LRRC56: variants seen among roughly 807,000 people sequenced by gnomAD.
LRRC56 encodes leucine rich repeat containing 56, also known as leucine-rich repeat-containing protein 56.
Under a neutral mutation model 47.8 loss-of-function variants are expected in LRRC56, and 41 were observed. The ratio of observed to expected loss-of-function variants is 0.86; its 90% confidence interval spans 0.67 to 1.11. The LOEUF is 1.11. Among genes scored for constraint, LRRC56 ranks in the 50% most tolerant of loss-of-function variants. LRRC56 has a pLI of 0.00. For synonymous variants in LRRC56, 387 were observed against 311.2 expected, an observed-to-expected ratio of 1.24 and a Z score of -2.56; for missense variants, 759 against 704.2, an observed-to-expected ratio of 1.08 and a Z score of -0.88.
chr11:552,843 G>GGC (rs1852486428), intron 13 of LRRC56, 141 bp downstream of exon 13: 2 of 760,444 alleles, frequency 2.6e-6, no homozygotes, highest in Non-Finnish European at 4.1e-6. Context: ...GTAACAGGGA[G>GGC]GCCCCCTTCT....
chr11:538,709 C>A lies in LRRC56; in HGVS notation c.-310C>A, dbSNP rs1670033501. ...GCCATGGCCAGAACGTTCTAAGTGG[C>A]TACATGTGCATCTGCCTGTTCACGG... On this transcript the variant is annotated 5_prime_UTR_variant, in exon 2 of 14. Coordinates refer to ENST00000270115, the MANE Select transcript of LRRC56 (RefSeq NM_198075.4). 1 of 152,290 alleles carries A rather than the reference C, an allele frequency of 6.6e-6. No homozygotes were observed. The highest frequency in any genetic ancestry group is 6.5e-5 in the Admixed American group (1 of 15,286). The allele number at this position is 152,290 out of a possible 1,614,324, so 9.4% of individuals were successfully genotyped here. A position where few individuals can be genotyped will look rare whatever the true frequency, so the allele number is the denominator to read the frequency against.
At chr11:550,822 C>T (rs1482717891) in intron 8 of LRRC56, among the ~76,000 whole-genome samples, 1 of 152,156 alleles carries the variant, frequency 6.6e-6, no homozygotes, top group Non-Finnish European at 1.5e-5. Flanking sequence ...TACCAGTGCC[C>T]AGTAGCTACT....
upstream of LRRC56, chr11:535,467 C>CG (rs1564791871): frequency 2.7e-4 from 40 of 147,078 alleles, no homozygotes; most frequent in Middle Eastern, 3.2e-3. Context: ...GAGGCCGGGG[C>CG]GGGGCGGGGG....
intron 3 of LRRC56, among the ~76,000 whole-genome samples, chr11:539,995 G>A (rs966944836): frequency 2.0e-5 from 3 of 152,182 alleles, no homozygotes; most frequent in Admixed American, 1.3e-4. Flanking sequence ...TCAGGTCCTG[G>A]GCTGATCTGC....
Position 552,250 on chromosome 11 carries a change from T to C in LRRC56, c.1181+18T>C, listed in dbSNP as rs988674839. 1.9e-6 allele frequency: 3 copies of C among 1,602,214 alleles called. No homozygotes were observed. The Admixed American group carries it at 5.0e-5, about 27-fold the overall frequency. On this transcript the variant is annotated intron_variant, in intron 12 of 13. Transcript: ENST00000270115. ...GGCGTGCGGTGGGTGTCCCTCCAGC[T>C]CTTCCACTGGGTGTGTCCTGTCCCG...
At chr11:537,521 C>T (rs1036950183), upstream of LRRC56, 7 of 152,280 alleles carry the variant, frequency 4.6e-5, no homozygotes, top group East Asian at 1.3e-3. Context: ...GCCGGAAGAA[C>T]AGCCTGGAGT....
chr11:553,869 G>A, intron 13 of LRRC56, 94 bp from the exon 14 acceptor site: 2 of 1,141,014 alleles, frequency 1.8e-6, no homozygotes, highest in Non-Finnish European at 2.5e-6. Context: ...CTGCCTCGGG[G>A]CTGCAGGGCC....
the LRRC56 span, among the ~76,000 whole-genome samples, chr11:521,197 G>A: frequency 2.6e-5 from 4 of 152,122 alleles, no homozygotes; most frequent in African/African-American, 7.2e-5. Flanking sequence ...CCACTGGTTC[G>A]ACTGCCTCAG....
At position 543,236 on chromosome 11, in the gene LRRC56, CAG is replaced by C. The variant is rs1179281914; in HGVS notation, c.266-1481_266-1480del. Among the ~76,000 whole-genome samples the C allele has an allele frequency of 4.1e-5, 6 of 147,378 alleles. No individual in the cohort carries two copies. The East Asian group carries it at 1.2e-3, about 30-fold the overall frequency. On this transcript the variant is annotated intron_variant, in intron 5 of 13. Transcript: ENST00000270115. ...TTTTTCATTGTTGTTTTTTTTAAGA[CAG>C]AGTCTCTCTCTTGTTGCCCAGGCTG...
chr11:533,679 G>T (rs1851262940), upstream of LRRC56: 3 of 1,611,588 alleles, frequency 1.9e-6, no homozygotes, highest in Admixed American at 1.7e-5. Flanking sequence ...GACATGCGCA[G>T]AGAGGACAGG....
chr11:530,442 A>C, the LRRC56 span, among the ~76,000 whole-genome samples: 1 of 149,986 alleles, frequency 6.7e-6, no homozygotes, highest in African/African-American at 2.4e-5. Context: ...CCTGGACAGA[A>C]GGGCAAGTGT....
At chr11:509,714 A>ATTTTTTTTT in the LRRC56 span, among the ~76,000 whole-genome samples, 1 of 125,208 alleles carries the variant, frequency 8.0e-6, no homozygotes, top group Admixed American at 8.6e-5. Flanking sequence ...CGCCCGGCTA[A>ATTTTTTTTT]TTTTTTTTTT....
At chr11:527,103 C>T in the LRRC56 span, among the ~76,000 whole-genome samples, 2 of 152,028 alleles carry the variant, frequency 1.3e-5, no homozygotes, top group Non-Finnish European at 2.9e-5. Context: ...AGCTCCAGAC[C>T]ATCCTGGCTA....
intron 6 of LRRC56, among the ~76,000 whole-genome samples, chr11:549,341 G>A (rs1054783927): frequency 1.3e-5 from 2 of 152,116 alleles, no homozygotes; most frequent in African/African-American, 4.8e-5. Context: ...ACAGCGCATG[G>A]TGAAGTCACT....
Position 550,006 on chromosome 11 carries a change from TG to T in LRRC56, c.423+11del, listed in dbSNP as rs779257811. 1 of 1,610,166 alleles carries T rather than the reference TG, an allele frequency of 6.2e-7. No homozygotes were observed. Among genetic ancestry groups the T allele is most frequent in the Non-Finnish European group, 8.5e-7 (1 of 1,178,806 alleles). ...TCTTTGCCAGCACTTAAGGTGAGTC[TG>T]GGCACCCTGGGCTGGGGAGGCCTGG... is the stretch of plus-strand genomic sequence containing the variant. On this transcript the variant is annotated intron_variant, in intron 7 of 13. Transcript: ENST00000270115.
chr11:551,641 C>T lies in LRRC56; in HGVS notation c.797-10C>T, dbSNP rs925935510. The T allele has an allele frequency of 1.3e-6, 2 of 1,546,736 alleles. No individual in the cohort carries two copies. The highest frequency in any genetic ancestry group is 1.7e-6 in the Non-Finnish European group (2 of 1,147,216). ...GGCCTTGGTGACCTCTGCTTCTGAA[C>T]CTCGGGCAGACTGTCCCCGTGGAGC... On this transcript the variant is annotated splice_polypyrimidine_tract_variant and intron_variant, in intron 9 of 13. Transcript: ENST00000270115.
rs760499814 is a variant in LRRC56 at position 554,355 on chromosome 11, G to A, written c.*79G>A. On this transcript the variant is annotated 3_prime_UTR_variant, in exon 14 of 14. Coordinates refer to ENST00000270115, the MANE Select transcript of LRRC56 (RefSeq NM_198075.4). ...TGTGGTCACAGAGCACAGAATACCT[G>A]GGCGGGTGTGTTGGGGGGTGGAAGG... 2.4e-5 allele frequency: 31 copies of A among 1,286,076 alleles called. No homozygotes were observed. Among genetic ancestry groups the A allele is most frequent in the Non-Finnish European group, 3.2e-5 (31 of 982,752 alleles). The allele number at this position is 1,286,076 out of a possible 1,614,324, so 79.7% of individuals were successfully genotyped here.
rs1328717480 is a variant in LRRC56, at chr11:554,522, T to C, written c.*246T>C. 2.6e-5 allele frequency: 10 copies of C among 384,340 alleles called. No individual in the cohort carries two copies. Among genetic ancestry groups the C allele is most frequent in the Admixed American group, 4.3e-5 (1 of 23,182 alleles). The allele number at this position is 384,340 out of a possible 1,614,324, so 23.8% of individuals were successfully genotyped here. On this transcript the variant is annotated 3_prime_UTR_variant, in exon 14 of 14. Coordinates refer to ENST00000270115, the MANE Select transcript of LRRC56 (RefSeq NM_198075.4). The stretch of plus-strand genomic sequence containing the variant: ...AGGGAGGGTCCGGCTCCCCAGCCCT[T>C]CCTTAGGGCCAGGCTTTCCCGCGGG...
At chr11:535,659 G>A (rs1851455464), upstream of LRRC56, 1 of 152,048 alleles carries the variant, frequency 6.6e-6, no homozygotes, top group Non-Finnish European at 1.5e-5. Flanking sequence ...CCCCACCCCG[G>A]TTGGCTGAGC....
Sources: allele counts gnomAD v4.1 joint callset (sites outside exome capture counted in the v4.1 genomes callset), GRCh38; gene constraint gnomAD v4.1.1; transcripts MANE v1.5; gene names NCBI Gene and HGNC (gene_info 2026-07-23, HGNC 2026-07-21).